Variants in CCDC171 observed in about 807,000 individuals in gnomAD.
CCDC171 encodes the protein coiled-coil domain containing 171.
In CCDC171, 177 loss-of-function variants were observed where a neutral mutation model predicts 168.2. That is an observed-to-expected ratio of 1.05 (90% CI 0.93 to 1.19). The LOEUF (loss-of-function observed/expected upper bound fraction) is 1.19. CCDC171 is among the 50% of genes most tolerant of loss of function. The pLI is 0.00. For synonymous variants in CCDC171, 687 were observed against 540.8 expected (o/e 1.27, Z -3.75); for missense variants, 1,991 against 1,539.0 (o/e 1.29, Z -4.91).
At chr9:16,052,820 G>T (rs1564136798) in intron 1 of CCDC171, among the ~76,000 whole-genome samples, 1 of 147,378 alleles carries the variant, frequency 6.8e-6, no homozygotes, top group South Asian at 2.2e-4. Context: ...ACTTTGAGAA[G>T]TTGTTAAAAT....
intron 3 of CCDC171, among the ~76,000 whole-genome samples, chr9:15,994,102 G>C (rs970963755): frequency 1.3e-5 from 2 of 152,116 alleles, no homozygotes; most frequent in East Asian, 3.8e-4. Context: ...ATACCGAAAG[G>C]ATTATAAAAC....
At chr9:15,880,457 C>T (rs868463953) in intron 24 of CCDC171, among the ~76,000 whole-genome samples, 16 of 72,966 alleles carry the variant, frequency 2.2e-4, no homozygotes, top group African/African-American at 4.8e-4. Flanking sequence ...AATTCTCTCT[C>T]TCTCTCTTTT....
chr9:15,661,092 A>G (rs556405480), intron 8 of CCDC171, among the ~76,000 whole-genome samples: 33 of 152,270 alleles, frequency 2.2e-4, no homozygotes, highest in African/African-American at 7.9e-4. Context: ...CATCCTGGCT[A>G]ACACGGGGAA....
intron 23 of CCDC171, among the ~76,000 whole-genome samples, chr9:15,867,927 G>A (rs2131106976): frequency 6.6e-6 from 1 of 152,104 alleles, no homozygotes; most frequent in East Asian, 1.9e-4. Context: ...CTATGCTACA[G>A]ATTTATCATG....
chr9:15,712,798 A>T (rs1413262275), intron 11 of CCDC171, among the ~76,000 whole-genome samples: 1 of 152,188 alleles, frequency 6.6e-6, no homozygotes, highest in Non-Finnish European at 1.5e-5. Context: ...GTTGTAACCC[A>T]ATCAGCCTTG....
At chr9:15,784,421 G>C in intron 20 of CCDC171, 88 bp from the exon 21 acceptor site, 2 of 757,854 alleles carry the variant, frequency 2.6e-6, no homozygotes, top group Non-Finnish European at 4.1e-6. Flanking sequence ...AGAAATGTTT[G>C]TATTATATTC....
At chr9:15,915,339 G>A (rs2987060) in intron 24 of CCDC171, among the ~76,000 whole-genome samples, 113,352 of 151,580 alleles carry the variant, frequency 0.75, 43,957 homozygotes, top group East Asian at 0.86. Flanking sequence ...AGATCTTTCC[G>A]TCTTTGGTTA....
intron 3 of CCDC171, among the ~76,000 whole-genome samples, chr9:16,018,236 C>G (rs1833079434): frequency 6.6e-6 from 1 of 152,076 alleles, no homozygotes; most frequent in African/African-American, 2.4e-5. Context: ...GTAAAAGAAG[C>G]TACCAGAGGC....
intron 21 of CCDC171, among the ~76,000 whole-genome samples, chr9:15,804,349 T>C (rs915394587): frequency 1.3e-5 from 2 of 152,194 alleles, no homozygotes; most frequent in African/African-American, 4.8e-5. Context: ...GCTCATACTG[T>C]ATGATATTGG....
At chr9:15,780,682 A>G (rs1380836533) in intron 20 of CCDC171, among the ~76,000 whole-genome samples, 1 of 152,130 alleles carries the variant, frequency 6.6e-6, no homozygotes, top group Non-Finnish European at 1.5e-5. Flanking sequence ...GTTTGGAATA[A>G]TTTTGTATGT....
chr9:15,745,672 G>C (rs2055221935), intron 18 of CCDC171, 41 bp downstream of exon 18: 1 of 1,175,988 alleles, frequency 8.5e-7, no homozygotes, highest in Non-Finnish European at 1.2e-6. Context: ...ATACATTTAA[G>C]AACAAATATC....
the CCDC171 span, among the ~76,000 whole-genome samples, chr9:16,099,658 A>G: frequency 6.6e-6 from 1 of 152,214 alleles, no homozygotes; most frequent in African/African-American, 2.4e-5. Context: ...CCATGAGTCC[A>G]TCCCAGTTTG....
downstream of CCDC171, among the ~76,000 whole-genome samples, chr9:15,977,756 G>T (rs998773322): frequency 9.9e-5 from 15 of 152,246 alleles, no homozygotes; most frequent in Admixed American, 3.3e-4. Context: ...ATCTGAAGAA[G>T]ACTCATCTGA....
At chr9:15,744,237 T>G in intron 16 of CCDC171, 36 bp from the exon 17 acceptor site, 3 of 1,503,820 alleles carry the variant, frequency 2.0e-6, no homozygotes, top group Non-Finnish European at 2.7e-6. Flanking sequence ...GCCTGTTTGT[T>G]TCATGATCAA....
At chr9:15,635,868 T>G (rs2046164052) in intron 7 of CCDC171, among the ~76,000 whole-genome samples, 1 of 152,146 alleles carries the variant, frequency 6.6e-6, no homozygotes, top group Non-Finnish European at 1.5e-5. Flanking sequence ...AACTGTCAGT[T>G]TGTTTTGTAC....
intron 14 of CCDC171, among the ~76,000 whole-genome samples, chr9:15,725,797 G>A (rs1266985565): frequency 6.6e-6 from 1 of 152,062 alleles, no homozygotes; most frequent in African/African-American, 2.4e-5. Flanking sequence ...TTAAGAGATA[G>A]CCTCCTAACT....
Position 15,677,907 on chromosome 9 carries a change from TATATATATATATATATATAA to T in CCDC171, c.1077-850_1077-831del, listed in dbSNP as rs1370860634. The stretch of plus-strand genomic sequence containing the variant: ...ATATATATATATATATATATATATA[TATATATATATATATATATAA>T]GAGATGTGGTCTCATTCTGTTACCT... On this transcript the variant is annotated intron_variant, in intron 9 of 25. Coordinates refer to ENST00000380701, the MANE Select transcript of CCDC171 (RefSeq NM_173550.4). Among the ~76,000 whole-genome samples, 78 of 24,574 alleles carry T rather than the reference TATATATATATATATATATAA, an allele frequency of 3.2e-3. 6 individuals carry two copies. Among genetic ancestry groups the T allele is most frequent in the African/African-American group, 0.011 (61 of 5,308 alleles). 16.1% of individuals were successfully genotyped at this position (24,574 alleles called of 152,430 possible). A position where few individuals can be genotyped will look rare whatever the true frequency, so the allele number is the denominator to read the frequency against.
intron 11 of CCDC171, among the ~76,000 whole-genome samples, chr9:15,706,241 C>CTTCT (rs1293665024): frequency 2.0e-5 from 3 of 148,726 alleles, no homozygotes; most frequent in Non-Finnish European, 3.0e-5. Flanking sequence ...TCCTTCCTTC[C>CTTCT]TTGCTTCCTT....
chr9:15,730,466 C>G (rs1456725920), intron 16 of CCDC171, among the ~76,000 whole-genome samples: 3 of 151,704 alleles, frequency 2.0e-5, no homozygotes, highest in African/African-American at 7.3e-5. Context: ...ATAGGGTATA[C>G]TTTTTTGGCA....
Sources: allele counts gnomAD v4.1 joint callset (sites outside exome capture counted in the v4.1 genomes callset), GRCh38; gene constraint gnomAD v4.1.1; transcripts MANE v1.5; gene names NCBI Gene and HGNC (gene_info 2026-07-23, HGNC 2026-07-21).